The following IL4R variants were observed in gnomAD, a reference collection of about 807,000 sequenced individuals.
IL4R encodes interleukin-4 receptor subunit alpha.
IL4R carries 17 observed loss-of-function variants against 41.5 expected under a neutral mutation model. The ratio of observed to expected loss-of-function variants is 0.41; its 90% confidence interval spans 0.28 to 0.61. IL4R has a LOEUF of 0.61. Among genes scored for constraint, IL4R ranks in the 20% least tolerant of loss-of-function variants. The pLI is 0.31. For missense variants in IL4R, 974 were observed against 1,043.1 expected (o/e 0.93, Z 0.91); for synonymous variants, 402 against 422.9 (o/e 0.95, Z 0.61).
intron 10 of IL4R, among the ~76,000 whole-genome samples, chr16:27,361,661 G>A (rs1036178811): frequency 2.0e-5 from 3 of 148,110 alleles, no homozygotes; most frequent in African/African-American, 7.5e-5. Context: ...TGTCCCTCAG[G>A]CTGGAGTGCA....
chr16:27,323,324 G>A (rs1567305475), intron 1 of IL4R, among the ~76,000 whole-genome samples: 1 of 152,216 alleles, frequency 6.6e-6, no homozygotes, highest in Non-Finnish European at 1.5e-5. Flanking sequence ...GGCAAATTCT[G>A]AACCTCCCTC....
chr16:27,351,881 T>C (rs576592792), intron 6 of IL4R, among the ~76,000 whole-genome samples: 1 of 152,284 alleles, frequency 6.6e-6, no homozygotes, highest in South Asian at 2.1e-4. Flanking sequence ...CACATACACA[T>C]CTGCATCTTC....
chr16:27,341,797 G>A lies in IL4R; in HGVS notation c.71-324G>A, dbSNP rs35035754. 7.3e-3 allele frequency among the ~76,000 whole-genome samples: 1,106 copies of A among 152,330 alleles called. 13 individuals are homozygous for A. The highest frequency in any genetic ancestry group is 0.025 in the African/African-American group (1,039 of 41,568). ...TCGAGGGCAGAGGCTTGGTGTGATGGAATGGCACTCCTTAAACTGCTACAT... is the reference window on the plus strand; with the variant it reads ...TCGAGGGCAGAGGCTTGGTGTGATGAAATGGCACTCCTTAAACTGCTACAT... On this transcript the variant is annotated intron_variant, in intron 3 of 10. Transcript: ENST00000395762.
intron 10 of IL4R, among the ~76,000 whole-genome samples, chr16:27,361,263 C>T (rs544785133): frequency 3.9e-5 from 6 of 151,940 alleles, no homozygotes; most frequent in Admixed American, 1.3e-4. Flanking sequence ...CTTAGCCTCC[C>T]GAGTAGCTGA....
chr16:27,314,962 C>G (rs1349332024), intron 1 of IL4R, among the ~76,000 whole-genome samples: 1 of 152,182 alleles, frequency 6.6e-6, no homozygotes, highest in African/African-American at 2.4e-5. Context: ...GTGTGAGCCA[C>G]TGAGCCCTGA....
At position 27,329,422 on chromosome 16, in the gene IL4R, A is replaced by G. The variant is rs905641904; in HGVS notation, c.-151-644A>G. On this transcript the variant is annotated intron_variant, in intron 1 of 10. Coordinates refer to ENST00000395762, the MANE Select transcript of IL4R (RefSeq NM_000418.4). ...CCAGACACAGTGGCTCATGCCTGTAATCCCAGCACTTTGGAGGCCAAGGCG... is the reference window on the plus strand; with the variant it reads ...CCAGACACAGTGGCTCATGCCTGTAGTCCCAGCACTTTGGAGGCCAAGGCG... Among the ~76,000 whole-genome samples, 3 of 152,112 alleles carry G rather than the reference A, an allele frequency of 2.0e-5. No homozygotes were observed. The South Asian group carries it at 6.2e-4, about 31-fold the overall frequency.
At chr16:27,324,870 A>G (rs933810827) in intron 1 of IL4R, among the ~76,000 whole-genome samples, 1 of 151,810 alleles carries the variant, frequency 6.6e-6, no homozygotes, top group African/African-American at 2.4e-5. Context: ...GGTCCCTGGG[A>G]TCCTCCCCAC....
chr16:27,355,899 C>T lies in IL4R; in HGVS notation c.762C>T (p.Ser254=). 6.2e-7 allele frequency: 1 copy of T among 1,611,844 alleles called. No individual in the cohort carries two copies. Among genetic ancestry groups the T allele is most frequent in the Non-Finnish European group, 8.5e-7 (1 of 1,178,504 alleles). ...CCGTCTGCCTGTTGTGCTATGTCAG[C>T]ATCACCAAGTGAGTCCTGGGCCCAG... The part of the protein sequence containing the change: ...ILAVCLLCYV[S]ITKIKKEWWD... The change falls in exon 8 of 11, where the codon AGC becomes AGT. Residue 254 remains serine, a synonymous_variant. Transcript: ENST00000395762.
At chr16:27,321,919 A>G (rs986079527) in intron 1 of IL4R, among the ~76,000 whole-genome samples, 4 of 152,136 alleles carry the variant, frequency 2.6e-5, no homozygotes, top group African/African-American at 9.7e-5. Flanking sequence ...TGTGGTCAAT[A>G]TATGTGGTTC....
intron 7 of IL4R, 29 bp from the exon 8 acceptor site, chr16:27,355,779 C>T (rs1474959738): frequency 3.3e-6 from 5 of 1,516,632 alleles, no homozygotes; most frequent in East Asian, 2.3e-5. Flanking sequence ...TGGCTGACCT[C>T]AGCTCATGGC....
chr16:27,356,799 C>A (rs1477695643), intron 8 of IL4R, among the ~76,000 whole-genome samples: 2 of 152,152 alleles, frequency 1.3e-5, no homozygotes, highest in African/African-American at 2.4e-5. Context: ...TGCTGAAACC[C>A]CTGAGCCTGG....
intron 4 of IL4R, among the ~76,000 whole-genome samples, chr16:27,343,103 C>G (rs1460694550): frequency 6.6e-6 from 1 of 152,186 alleles, no homozygotes; most frequent in Non-Finnish European, 1.5e-5. Flanking sequence ...CTGGGCTACT[C>G]CATGGTGCAC....
intron 8 of IL4R, among the ~76,000 whole-genome samples, chr16:27,356,416 A>G (rs56674260): frequency 1.3e-5 from 2 of 152,164 alleles, no homozygotes; most frequent in African/African-American, 4.8e-5. Flanking sequence ...TAAAACCGGC[A>G]TCCTACTGGG....
intron 6 of IL4R, among the ~76,000 whole-genome samples, 161 bp from the exon 7 acceptor site, chr16:27,352,379 G>GT (rs1433207068): frequency 2.0e-5 from 3 of 152,300 alleles, no homozygotes; most frequent in Non-Finnish European, 4.4e-5. Context: ...CCTGGTCACA[G>GT]TTACAGAGGT....
chr16:27,345,000 C>G lies in IL4R; in HGVS notation c.341C>G (p.Ser114Cys). 1 of 1,613,516 alleles carries G rather than the reference C, an allele frequency of 6.2e-7. No individual in the cohort carries two copies. The highest frequency in any genetic ancestry group is 8.5e-7 in the Non-Finnish European group (1 of 1,179,892). The change falls in exon 5 of 11, where the codon TCC becomes TGC. Residue 114 changes from serine (S) to cysteine (C), a missense_variant. This residue lies in a region of IL4R where 284 missense variants were observed against 313.4 expected (regional missense o/e 0.91). Transcript: ENST00000395762. The part of the protein sequence containing the change: ...WAGQQLLWKG[S>C]FKPSEHVKPR... ...GGGCAGCAGCTGCTGTGGAAGGGCT[C>G]CTTCAAGCCCAGCGAGCATGGTGAG... is the stretch of plus-strand genomic sequence containing the variant.
At chr16:27,351,349 A>G (rs1434317932) in intron 6 of IL4R, among the ~76,000 whole-genome samples, 2 of 152,112 alleles carry the variant, frequency 1.3e-5, no homozygotes, top group East Asian at 3.9e-4. Flanking sequence ...AATCCTCTAT[A>G]TATCCCATCA....
At chr16:27,344,826 C>T (rs770243204) in intron 4 of IL4R, 43 bp from the exon 5 acceptor site, 3 of 1,606,642 alleles carry the variant, frequency 1.9e-6, no homozygotes, top group East Asian at 2.2e-5. Context: ...GGGGCCCAGC[C>T]AGCCTACAGG....
chr16:27,361,926 T>C (rs1386618135), intron 10 of IL4R, among the ~76,000 whole-genome samples: 3 of 152,112 alleles, frequency 2.0e-5, no homozygotes, highest in Non-Finnish European at 4.4e-5. Context: ...GGCTTCCATA[T>C]CCTTTCTAAT....
chr16:27,313,962 C>G (rs1385411385), upstream of IL4R: 1 of 984,636 alleles, frequency 1.0e-6, no homozygotes, highest in Non-Finnish European at 1.2e-6. Context: ...AAGGGCCACC[C>G]AGGGGTCCCC....
Sources: allele counts gnomAD v4.1 joint callset (sites outside exome capture counted in the v4.1 genomes callset), GRCh38; gene constraint gnomAD v4.1.1; regional missense constraint gnomAD v4.1.1; transcripts MANE v1.5; gene names NCBI Gene and HGNC (gene_info 2026-07-23, HGNC 2026-07-21).